SRGAP3: variants seen among roughly 807,000 people sequenced by gnomAD.
SRGAP3 encodes SLIT-ROBO Rho GTPase activating protein 3, also known as SLIT-ROBO Rho GTPase-activating protein 3.
In SRGAP3, 39 loss-of-function variants were observed where a neutral mutation model predicts 121.1. The ratio of observed to expected loss-of-function variants is 0.32; its 90% confidence interval spans 0.25 to 0.42. The LOEUF (loss-of-function observed/expected upper bound fraction) is 0.42, where lower values mean the gene tolerates loss of function less well. Ranked by LOEUF, SRGAP3 falls within the 10% of genes least tolerant of loss-of-function variation. The probability of loss-of-function intolerance (pLI) is 1.00; values close to 1 mark genes in which losing one functional copy is unlikely to be tolerated. For missense variants in SRGAP3, 1,213 were observed against 1,470.6 expected, an observed-to-expected ratio of 0.82 and a Z score of 2.86; for synonymous variants, 601 against 570.0, an observed-to-expected ratio of 1.05 and a Z score of -0.77.
intron 1 of SRGAP3, among the ~76,000 whole-genome samples, chr3:9,149,938 G>T (rs1950159205): frequency 6.6e-6 from 1 of 152,138 alleles, no homozygotes; most frequent in African/African-American, 2.4e-5. Flanking sequence ...TTCACCATGG[G>T]TTTGTTGAGT....
At chr3:9,293,155 T>C (rs1320593627) in intron 3 of SRGAP3, 2 of 152,148 alleles carry the variant, frequency 1.3e-5, no homozygotes, top group Non-Finnish European at 2.9e-5. Flanking sequence ...AAAACAGACC[T>C]GTATTGTAAA....
chr3:9,348,465 T>C, intron 1 of SRGAP3: 1 of 685,048 alleles, frequency 1.5e-6, no homozygotes, highest in Non-Finnish European at 2.7e-6. Flanking sequence ...AAATTGGTGT[T>C]GATCCAGCAT....
intron 3 of SRGAP3, among the ~76,000 whole-genome samples, chr3:9,277,221 C>T (rs542444853): frequency 2.0e-5 from 3 of 152,268 alleles, no homozygotes; most frequent in Non-Finnish European, 2.9e-5. Context: ...ACATTATTCT[C>T]TCTGACTCAT....
At chr3:8,994,674 ACC>A (rs1322842463) in intron 18 of SRGAP3, 151 bp from the exon 19 acceptor site, 2 of 976,064 alleles carry the variant, frequency 2.0e-6, no homozygotes, top group African/African-American at 3.2e-5. Context: ...GGGGCTCAGG[ACC>A]CTGGGGTCCT....
At chr3:9,262,611 A>G (rs1574953458) in intron 3 of SRGAP3, among the ~76,000 whole-genome samples, 1 of 151,724 alleles carries the variant, frequency 6.6e-6, no homozygotes, top group East Asian at 1.9e-4. Context: ...AACAAATATC[A>G]AAAAAGAAAA....
Position 9,140,148 on chromosome 3 carries a change from C to CACACAT in SRGAP3, c.68-15232_68-15231insATGTGT, listed in dbSNP as rs1949798971. Reference sequence around the variant, plus strand: ...ACACACACACACACACACACACACACACATACATACACAAATGTATGTGCA... The same window carrying CACACAT: ...ACACACACACACACACACACACACACACACATACATACATACACAAATGTATGTGCA... On this transcript the variant is annotated intron_variant, in intron 1 of 21. Coordinates refer to ENST00000383836, the MANE Select transcript of SRGAP3 (RefSeq NM_014850.4). 2.6e-5 allele frequency among the ~76,000 whole-genome samples: 4 copies of CACACAT among 151,994 alleles called. No homozygotes were observed. In the South Asian group the frequency reaches 8.3e-4, roughly 32 times the overall value.
At chr3:9,336,680 G>A (rs1046992986) in intron 1 of SRGAP3, among the ~76,000 whole-genome samples, 1 of 152,188 alleles carries the variant, frequency 6.6e-6, no homozygotes, top group Non-Finnish European at 1.5e-5. Context: ...GGTATTTAGA[G>A]AGTGAGGAGA....
intron 3 of SRGAP3, among the ~76,000 whole-genome samples, chr3:9,085,573 C>A (rs761460998): frequency 1.3e-5 from 2 of 152,014 alleles, no homozygotes; most frequent in Non-Finnish European, 2.9e-5. Flanking sequence ...AAATACCGAT[C>A]AATGATAGAT....
At chr3:9,314,509 G>A in intron 3 of SRGAP3, among the ~76,000 whole-genome samples, 1 of 152,172 alleles carries the variant, frequency 6.6e-6, no homozygotes, top group Non-Finnish European at 1.5e-5. Context: ...ACCCAAAGTA[G>A]ACACATTCCC....
At chr3:9,190,715 C>T (rs907495288) in intron 1 of SRGAP3, among the ~76,000 whole-genome samples, 4 of 152,124 alleles carry the variant, frequency 2.6e-5, no homozygotes, top group African/African-American at 7.2e-5. Context: ...CATCCAGAGC[C>T]AAATGACAAA....
At chr3:9,062,679 T>C (rs1946230604) in intron 5 of SRGAP3, among the ~76,000 whole-genome samples, 1 of 152,256 alleles carries the variant, frequency 6.6e-6, no homozygotes. Flanking sequence ...TCAAGGTTCA[T>C]CCATGTTGCA....
chr3:9,320,069 G>T (rs907399296), intron 3 of SRGAP3, among the ~76,000 whole-genome samples: 6 of 151,906 alleles, frequency 3.9e-5, no homozygotes, highest in African/African-American at 1.4e-4. Flanking sequence ...TGGCTCAGGG[G>T]TGAGTGTGTG....
intron 2 of SRGAP3, among the ~76,000 whole-genome samples, chr3:9,120,837 C>T (rs1419471162): frequency 6.6e-6 from 1 of 152,236 alleles, no homozygotes; most frequent in East Asian, 1.9e-4. Context: ...AGAACCATCA[C>T]GTGGGCCTTT....
chr3:9,283,901 G>A (rs1954723370), intron 3 of SRGAP3, among the ~76,000 whole-genome samples: 1 of 152,158 alleles, frequency 6.6e-6, no homozygotes, highest in African/African-American at 2.4e-5. Flanking sequence ...TTTACTGGAT[G>A]GAGAAGGGCT....
chr3:9,325,174 T>G (rs1955497638), intron 3 of SRGAP3, among the ~76,000 whole-genome samples: 3 of 151,828 alleles, frequency 2.0e-5, no homozygotes, highest in African/African-American at 7.2e-5. Context: ...GATGGCTGCA[T>G]GCAAACATTT....
rs145898291 is a variant in SRGAP3, at chr3:9,083,629, T to A, written c.424-3542A>T. On this transcript the variant is annotated intron_variant, in intron 3 of 21. Coordinates refer to ENST00000383836, the MANE Select transcript of SRGAP3 (RefSeq NM_014850.4). ...ATTAATTTAGCCAGCTCCTTAGGGA[T>A]GGATATTTACATTGCCTCCAGCATC... is the stretch of plus-strand genomic sequence containing the variant. Among the ~76,000 whole-genome samples the A allele has an allele frequency of 6.9e-3, 1,058 of 152,350 alleles. 11 individuals are homozygous for A. Among genetic ancestry groups the A allele is most frequent in the Middle Eastern group, 0.017 (5 of 294 alleles).
intron 1 of SRGAP3, among the ~76,000 whole-genome samples, chr3:9,127,281 G>T (rs906518451): frequency 6.6e-6 from 1 of 152,178 alleles, no homozygotes; most frequent in African/African-American, 2.4e-5. Flanking sequence ...AGGCTGCAGT[G>T]AGCTATGATT....
intron 1 of SRGAP3, among the ~76,000 whole-genome samples, chr3:9,182,198 A>AAC: frequency 6.6e-6 from 1 of 151,136 alleles, no homozygotes; most frequent in East Asian, 1.9e-4. Context: ...AAAAAAAAAA[A>AAC]AAACACAAAA....
intron 1 of SRGAP3, among the ~76,000 whole-genome samples, chr3:9,177,493 C>A (rs1439442386): frequency 6.6e-6 from 1 of 152,072 alleles, no homozygotes; most frequent in Non-Finnish European, 1.5e-5. Flanking sequence ...CCCTCAGAGA[C>A]CATGCCACGG....
Sources: gnomAD v4.1 joint callset for allele counts (sites outside exome capture counted in the v4.1 genomes callset) on GRCh38, gnomAD v4.1.1 for gene constraint, MANE v1.5 for transcripts, NCBI Gene and HGNC (gene_info 2026-07-23, HGNC 2026-07-21) for gene names.